The following DNAJC6 variants were observed in gnomAD, a reference collection of about 807,000 sequenced individuals.
DNAJC6 encodes the protein DnaJ heat shock protein family (Hsp40) member C6, also known as auxilin.
A neutral mutation model predicts 110.0 loss-of-function variants in DNAJC6; 34 were observed. The observed-to-expected ratio is 0.31, with a 90% CI of 0.24 to 0.41. DNAJC6 has a LOEUF of 0.41. Ranked by LOEUF, DNAJC6 falls within the 10% of genes least tolerant of loss-of-function variation. DNAJC6 has a pLI of 1.00. For missense variants in DNAJC6, 1,031 were observed against 1,207.8 expected, an observed-to-expected ratio of 0.85 and a Z score of 2.17; for synonymous variants, 406 against 437.2, an observed-to-expected ratio of 0.93 and a Z score of 0.89.
At chr1:65,395,221 GC>G (rs1467690017) in intron 13 of DNAJC6, among the ~76,000 whole-genome samples, 189 bp downstream of exon 13, 4 of 152,112 alleles carry the variant, frequency 2.6e-5, no homozygotes, top group African/African-American at 9.7e-5. Flanking sequence ...ACAGAAACCT[GC>G]TTAACTTTGT....
rs547312338 is a variant in DNAJC6 at position 65,309,899 on chromosome 1, C to G, written c.154C>G (p.Arg52Gly). The G allele has an allele frequency of 1.9e-5, 29 of 1,539,958 alleles. No individual in the cohort carries two copies. The highest frequency in any genetic ancestry group is 2.2e-5 in the Non-Finnish European group (25 of 1,141,576). Residue 52 changes from arginine to glycine, a missense_variant, in exon 1 of 19, where the codon CGA becomes GGA. Coordinates refer to ENST00000371069, the MANE Select transcript of DNAJC6 (RefSeq NM_001256864.2). The part of the protein sequence containing the change: ...NAGAAARSPA[R>G]QPPDRASTMD... ...CGGGGCAGCGGCGCGGAGTCCCGCC[C>G]GACAGCCTCCGGACCGCGCCAGCAC... is the stretch of plus-strand genomic sequence containing the variant.
At chr1:65,361,757 G>A (rs1645599366) in intron 1 of DNAJC6, among the ~76,000 whole-genome samples, 1 of 152,208 alleles carries the variant, frequency 6.6e-6, no homozygotes, top group Non-Finnish European at 1.5e-5. Context: ...TATATGAAGT[G>A]TACATACCTT....
At chr1:65,277,098 A>G (rs1389677262) in intron 1 of DNAJC6, among the ~76,000 whole-genome samples, 1 of 152,156 alleles carries the variant, frequency 6.6e-6, no homozygotes, top group Non-Finnish European at 1.5e-5. Flanking sequence ...CCAGTCTGCT[A>G]CAACCTACTC....
intron 1 of DNAJC6, among the ~76,000 whole-genome samples, chr1:65,282,387 T>C (rs1653882052): frequency 6.6e-6 from 1 of 152,230 alleles, no homozygotes; most frequent in Non-Finnish European, 1.5e-5. Flanking sequence ...TAAAAGGCTC[T>C]ATTTAGTTCA....
chr1:65,374,296 T>C (rs576971304), intron 4 of DNAJC6, among the ~76,000 whole-genome samples: 1 of 151,004 alleles, frequency 6.6e-6, no homozygotes, highest in South Asian at 2.1e-4. Flanking sequence ...ATTTTAGGGG[T>C]TTTTTTTTAT....
chr1:65,401,277 T>C (rs1028342474), intron 14 of DNAJC6, among the ~76,000 whole-genome samples: 1 of 152,218 alleles, frequency 6.6e-6, no homozygotes, highest in East Asian at 1.9e-4. Context: ...TTACCTTCCC[T>C]GAACAGCAGT....
At chr1:65,377,816 C>G (rs1645780657) in intron 4 of DNAJC6, among the ~76,000 whole-genome samples, 1 of 152,330 alleles carries the variant, frequency 6.6e-6, no homozygotes, top group Middle Eastern at 3.4e-3. Flanking sequence ...TCCTGCCTCC[C>G]TTTCCCATGG....
intron 11 of DNAJC6, 104 bp downstream of exon 11, chr1:65,389,731 G>A: frequency 7.8e-7 from 1 of 1,276,794 alleles, no homozygotes; most frequent in Non-Finnish European, 1.1e-6. Flanking sequence ...GCACTTAGAG[G>A]TCATTCAATC....
chr1:65,408,836 A>G (rs1217610685), intron 17 of DNAJC6, 53 bp downstream of exon 17: 2 of 1,591,644 alleles, frequency 1.3e-6, no homozygotes, highest in Non-Finnish European at 1.7e-6. Flanking sequence ...AAGTCATGTG[A>G]TAAAGTCATG....
At chr1:65,408,916 T>A in intron 17 of DNAJC6, 133 bp downstream of exon 17, 1 of 1,082,868 alleles carries the variant, frequency 9.2e-7, no homozygotes, top group Non-Finnish European at 1.3e-6. Flanking sequence ...CAAAATACCA[T>A]AAACTAGGTG....
upstream of DNAJC6, among the ~76,000 whole-genome samples, chr1:65,306,110 C>G (rs997478704): frequency 6.8e-6 from 1 of 148,076 alleles, no homozygotes; most frequent in Non-Finnish European, 1.5e-5. Context: ...CAGAGTCTCG[C>G]TTTGTTGGCT....
At chr1:65,274,012 C>T (rs992657167) in intron 1 of DNAJC6, among the ~76,000 whole-genome samples, 2 of 152,004 alleles carry the variant, frequency 1.3e-5, no homozygotes, top group Admixed American at 1.3e-4. Context: ...CTTCTGTATC[C>T]TCACTGATTT....
chr1:65,359,481 T>C (rs1205507922), intron 1 of DNAJC6, among the ~76,000 whole-genome samples: 1 of 152,230 alleles, frequency 6.6e-6, no homozygotes, highest in Non-Finnish European at 1.5e-5. Context: ...AAGAATCTAC[T>C]TGGAGCCTTA....
upstream of DNAJC6, among the ~76,000 whole-genome samples, chr1:65,308,692 A>G (rs1192314661): frequency 3.9e-5 from 6 of 152,210 alleles, no homozygotes; most frequent in Middle Eastern, 6.8e-3. Context: ...GAGGATGGGG[A>G]AAAAAAATCC....
intron 1 of DNAJC6, among the ~76,000 whole-genome samples, chr1:65,278,471 A>G (rs565337): frequency 0.76 from 114,874 of 151,568 alleles, 44,060 homozygotes; most frequent in East Asian, 0.98. Context: ...TATGTTCCCC[A>G]ACTCTGACTC....
Position 65,379,395 on chromosome 1 carries a change from C to G in DNAJC6, c.544-7C>G, listed in dbSNP as rs766399234. On this transcript the variant is annotated splice_region_variant and splice_polypyrimidine_tract_variant and intron_variant, in intron 4 of 18. Transcript: ENST00000371069. ...GGAATTAATTTCCTTTTGCTGTGCT[C>G]CCTTAGGTCTCAGAATGCAGTTGGC... 3.1e-6 allele frequency: 5 copies of G among 1,613,822 alleles called. No individual in the cohort carries two copies. Among genetic ancestry groups the G allele is most frequent in the Non-Finnish European group, 4.2e-6 (5 of 1,179,914 alleles).
chr1:65,279,068 T>G (rs1328778120), intron 1 of DNAJC6: 1 of 985,302 alleles, frequency 1.0e-6, no homozygotes, highest in East Asian at 1.1e-4. Context: ...TGACTGCATA[T>G]GCTGAGAAAA....
At chr1:65,306,213 A>AT (rs925887493), upstream of DNAJC6, among the ~76,000 whole-genome samples, 5 of 150,442 alleles carry the variant, frequency 3.3e-5, no homozygotes, top group South Asian at 2.1e-4. Context: ...ACGCCTGGTT[A>AT]TTTTTTTGGA....
In DNAJC6 at chr1:65,393,729, G is replaced by A. The variant is rs183584762; in HGVS notation, c.1903+864G>A. On this transcript the variant is annotated intron_variant, in intron 12 of 18. Coordinates refer to ENST00000371069, the MANE Select transcript of DNAJC6 (RefSeq NM_001256864.2). ...CTCAAATTAGCTGCCCCTTGGTCCT[G>A]TCACCATTAACCAAGATGACTTCAC... Among the ~76,000 whole-genome samples the A allele has an allele frequency of 3.9e-5, 6 of 152,286 alleles. No individual in the cohort carries two copies. In the East Asian group the frequency reaches 1.2e-3, roughly 29 times the overall value.
Sources: gnomAD v4.1 joint callset for allele counts (sites outside exome capture counted in the v4.1 genomes callset) on GRCh38, gnomAD v4.1.1 for gene constraint, MANE v1.5 for transcripts, NCBI Gene and HGNC (gene_info 2026-07-23, HGNC 2026-07-21) for gene names.